The following PGM2L1 variants were observed in gnomAD, a reference collection of about 807,000 sequenced individuals.
PGM2L1 encodes the protein phosphoglucomutase 2 like 1, also known as glucose 1,6-bisphosphate synthase.
A neutral mutation model predicts 73.4 loss-of-function variants in PGM2L1; 35 were observed. The observed-to-expected ratio is 0.48, with a 90% CI of 0.36 to 0.63. PGM2L1 has a LOEUF of 0.63. PGM2L1 is among the 30% of genes least tolerant of loss of function. The pLI, the probability that PGM2L1 is intolerant of heterozygous loss-of-function variation, is 0.00. For synonymous variants in PGM2L1, 225 were observed against 253.8 expected (o/e 0.89, Z 1.08); for missense variants, 570 against 742.0 (o/e 0.77, Z 2.69).
At chr11:74,384,145 T>A (rs1862988713) in intron 1 of PGM2L1, among the ~76,000 whole-genome samples, 1 of 152,084 alleles carries the variant, frequency 6.6e-6, no homozygotes, top group South Asian at 2.1e-4. Flanking sequence ...CCCCGCATCC[T>A]TTTGTCATTC....
intron 1 of PGM2L1, among the ~76,000 whole-genome samples, chr11:74,396,501 G>A (rs1370761067): frequency 1.3e-5 from 2 of 151,912 alleles, no homozygotes; most frequent in Non-Finnish European, 2.9e-5. Context: ...TGCAAGCTCC[G>A]CCTCCCGGGT....
At chr11:74,345,960 C>T (rs1007974504) in intron 8 of PGM2L1, among the ~76,000 whole-genome samples, 5 of 151,864 alleles carry the variant, frequency 3.3e-5, no homozygotes, top group Non-Finnish European at 5.9e-5. Flanking sequence ...GGTAAAAATA[C>T]ATAGCAGCCC....
chr11:74,379,918 TTC>T (rs1862913389), intron 1 of PGM2L1, among the ~76,000 whole-genome samples: 1 of 151,938 alleles, frequency 6.6e-6, no homozygotes, highest in South Asian at 2.1e-4. Flanking sequence ...AAGAGTGAAA[TTC>T]TGTCTAAAAA....
In PGM2L1 at chr11:74,336,767, T is replaced by G. The variant is rs1862103843; in HGVS notation, c.1767-13A>C. The G allele has an allele frequency of 3.2e-6, 5 of 1,541,376 alleles. No homozygotes were observed. Among genetic ancestry groups the G allele is most frequent in the Non-Finnish European group, 4.4e-6 (5 of 1,125,144 alleles). ...TAAAGCAGTGTCACTGAGGAAAAGA[T>G]GAAGAGTTTTGGAATTATTTATTTT... is the stretch of plus-strand genomic sequence containing the variant. On this transcript the variant is annotated splice_polypyrimidine_tract_variant and intron_variant, in intron 13 of 13. Transcript: ENST00000298198.
At chr11:74,365,142 T>C (rs1862635186) in intron 5 of PGM2L1, among the ~76,000 whole-genome samples, 2 of 150,850 alleles carry the variant, frequency 1.3e-5, no homozygotes, top group Non-Finnish European at 3.0e-5. Context: ...TAAATGGTGC[T>C]GGGAAAACTG....
intron 1 of PGM2L1, among the ~76,000 whole-genome samples, chr11:74,386,705 G>A (rs1863023509): frequency 6.6e-6 from 1 of 152,052 alleles, no homozygotes; most frequent in African/African-American, 2.4e-5. Context: ...TCAAACTCTG[G>A]GGCTCAAGCA....
intron 4 of PGM2L1, among the ~76,000 whole-genome samples, chr11:74,370,041 C>T (rs1862728399): frequency 6.6e-6 from 1 of 152,154 alleles, no homozygotes; most frequent in Non-Finnish European, 1.5e-5. Flanking sequence ...GACATTGCCC[C>T]TGGCCTCCTG....
chr11:74,371,024 C>A, intron 3 of PGM2L1, 38 bp from the exon 4 acceptor site: 2 of 1,552,512 alleles, frequency 1.3e-6, no homozygotes, highest in South Asian at 2.3e-5. Flanking sequence ...CTTTGCCTAC[C>A]ATACTTTTTA....
intron 6 of PGM2L1, among the ~76,000 whole-genome samples, chr11:74,347,974 CTT>C (rs1380397660): frequency 1.3e-5 from 2 of 152,150 alleles, no homozygotes; most frequent in Non-Finnish European, 2.9e-5. Flanking sequence ...AGTACCTTCT[CTT>C]CTCTCCTTAT....
At chr11:74,367,546 T>G (rs932561799) in intron 5 of PGM2L1, among the ~76,000 whole-genome samples, 2 of 152,196 alleles carry the variant, frequency 1.3e-5, no homozygotes, top group East Asian at 3.8e-4. Context: ...TCCTTTAAAG[T>G]TGATATTCCC....
At chr11:74,355,410 C>T (rs186203488) in intron 5 of PGM2L1, 43 of 533,300 alleles carry the variant, frequency 8.1e-5, no homozygotes, top group Admixed American at 2.0e-4. Context: ...AAAAATTAGC[C>T]GGGCGTGGTA....
Position 74,370,919 on chromosome 11 carries a change from C to T in PGM2L1, c.454G>A (p.Val152Ile). 1 of 1,611,340 alleles carries T rather than the reference C, an allele frequency of 6.2e-7. No individual in the cohort carries two copies. The highest frequency in any genetic ancestry group is 1.1e-5 in the South Asian group (1 of 91,024). ...DVPVYLFSRY[V>I]PTPFVPYAVQ... ...ACACTTACTACAAAAGGTGTAGGAA[C>T]ATATCTTGAAAAAAGGTACACAGGA... The change falls in exon 4 of 14, where the codon GTT (valine) becomes ATT (isoleucine). Residue 152 changes from valine to isoleucine, a missense_variant. Val to Ile is a conservative substitution (Grantham distance 29). Transcript: ENST00000298198.
chr11:74,385,731 G>T (rs1224119743), intron 1 of PGM2L1, among the ~76,000 whole-genome samples: 1 of 151,788 alleles, frequency 6.6e-6, no homozygotes, highest in Non-Finnish European at 1.5e-5. Context: ...ACTACCAACA[G>T]GAGAACCCTG....
At chr11:74,389,769 A>G (rs1863065811) in intron 1 of PGM2L1, among the ~76,000 whole-genome samples, 1 of 150,710 alleles carries the variant, frequency 6.6e-6, no homozygotes, top group South Asian at 2.1e-4. Context: ...ATTTTAGATC[A>G]AAGACATATC....
At chr11:74,372,793 CA>C (rs1862790582) in intron 2 of PGM2L1, among the ~76,000 whole-genome samples, 1 of 152,324 alleles carries the variant, frequency 6.6e-6, no homozygotes, top group Admixed American at 6.5e-5. Flanking sequence ...TAGCACCAAA[CA>C]AAGTCCCAGT....
Position 74,397,957 on chromosome 11 carries a change from C to A in PGM2L1, c.111+94G>T, listed in dbSNP as rs1863204625. 24 of 1,407,192 alleles carry A rather than the reference C, an allele frequency of 1.7e-5. No individual in the cohort carries two copies. In the South Asian group the frequency reaches 3.7e-4, roughly 22 times the overall value. 87.2% of individuals were successfully genotyped at this position (1,407,192 alleles called of 1,614,324 possible). A position where few individuals can be genotyped will look rare whatever the true frequency, so the allele number is the denominator to read the frequency against. On this transcript the variant is annotated intron_variant, in intron 1 of 13. Coordinates refer to ENST00000298198, the MANE Select transcript of PGM2L1 (RefSeq NM_173582.6). ...CCCCCCGCTCGGTGTCCCGAGCCATCTCCTCTGCAGCCCGCGGGGCGCTGG... is the reference window on the plus strand; with the variant it reads ...CCCCCCGCTCGGTGTCCCGAGCCATATCCTCTGCAGCCCGCGGGGCGCTGG...
At chr11:74,368,436 T>C in intron 5 of PGM2L1, 56 bp downstream of exon 5, 1 of 1,444,434 alleles carries the variant, frequency 6.9e-7, no homozygotes, top group East Asian at 2.3e-5. Context: ...ACACATATTA[T>C]TTGAATAAAA....
At chr11:74,338,277 A>G (rs571048772) in intron 13 of PGM2L1, among the ~76,000 whole-genome samples, 191 bp downstream of exon 13, 1 of 152,310 alleles carries the variant, frequency 6.6e-6, no homozygotes, top group South Asian at 2.1e-4. Flanking sequence ...GGAAATGGGA[A>G]GTGATTTCTC....
chr11:74,341,695 GA>G (rs11336177), intron 12 of PGM2L1, among the ~76,000 whole-genome samples: 35,583 of 93,872 alleles, frequency 0.38, 5,758 homozygotes, highest in East Asian at 0.49. Flanking sequence ...CTGTCTCAAG[GA>G]AAAAAAAAAA....
Sources: allele counts gnomAD v4.1 joint callset (sites outside exome capture counted in the v4.1 genomes callset), GRCh38; gene constraint gnomAD v4.1.1; transcripts MANE v1.5; gene names NCBI Gene and HGNC (gene_info 2026-07-23, HGNC 2026-07-21).